ZNF385D: variants seen among roughly 807,000 people sequenced by gnomAD.
ZNF385D encodes the protein zinc finger protein 659.
In ZNF385D, 15 loss-of-function variants were observed where a neutral mutation model predicts 35.8. The ratio of observed to expected loss-of-function variants is 0.42; its 90% CI spans 0.28 to 0.64. The LOEUF (loss-of-function observed/expected upper bound fraction) is 0.64, where lower values mean the gene tolerates loss of function less well. ZNF385D is among the 30% of genes least tolerant of loss of function. ZNF385D has a pLI of 0.23. For synonymous variants in ZNF385D, 212 were observed against 186.8 expected, an observed-to-expected ratio of 1.13 and a Z score of -1.10; for missense variants, 474 against 494.6, an observed-to-expected ratio of 0.96 and a Z score of 0.39.
chr3:21,602,517 C>CTTTTTTTTTTTTTTTTTTTTT lies in ZNF385D; in HGVS notation c.166-37854_166-37834dup, dbSNP rs746138066. On this transcript the variant is annotated intron_variant, in intron 2 of 7. Transcript: ENST00000281523. ...TAGGTCTCCTGTTTCCCTGCATTTT[C>CTTTTTTTTTTTTTTTTTTTTT]TTTTTTTTTTTTTTTTTTTTTTTTT... 2.7e-3 allele frequency among the ~76,000 whole-genome samples: 168 copies of CTTTTTTTTTTTTTTTTTTTTT among 62,640 alleles called. 19 individuals carry two copies. The highest frequency in any genetic ancestry group is 3.3e-3 in the Non-Finnish European group (112 of 34,054). The allele number at this position is 62,640 out of a possible 152,430, so 41.1% of individuals were successfully genotyped here. A position where few individuals can be genotyped will look rare whatever the true frequency, so the allele number is the denominator to read the frequency against.
intron 2 of ZNF385D, among the ~76,000 whole-genome samples, chr3:22,239,162 C>CT (rs1202274053): frequency 6.6e-6 from 1 of 151,034 alleles, no homozygotes; most frequent in African/African-American, 2.4e-5. Flanking sequence ...CTAAGTTCTG[C>CT]TTTTTTCTAG....
chr3:21,921,867 C>T (rs946410675), intron 3 of ZNF385D, among the ~76,000 whole-genome samples: 3 of 148,790 alleles, frequency 2.0e-5, no homozygotes, highest in Non-Finnish European at 4.5e-5. Flanking sequence ...CCCTACCAAC[C>T]AAAAGATGCC....
intron 3 of ZNF385D, among the ~76,000 whole-genome samples, chr3:21,820,467 G>T (rs75595021): frequency 3.7e-4 from 56 of 151,750 alleles, no homozygotes; most frequent in African/African-American, 1.3e-3. Flanking sequence ...AATCAGATCC[G>T]AGAGGAAAAT....
chr3:21,425,735 TGGGATGGGAG>T, intron 5 of ZNF385D, 65 bp from the exon 6 acceptor site: 2 of 1,438,454 alleles, frequency 1.4e-6, no homozygotes, highest in Non-Finnish European at 1.8e-6. Context: ...GAGAAGGAGG[TGGGATGGGAG>T]GAAAAAAATC....
At position 21,915,904 on chromosome 3, in the gene ZNF385D, A is replaced by C. The variant is rs571880746; in HGVS notation, c.326-250876T>G. Among the ~76,000 whole-genome samples the C allele has an allele frequency of 3.1e-3, 475 of 152,308 alleles. 2 individuals carry two copies. The highest frequency in any genetic ancestry group is 5.7e-3 in the Non-Finnish European group (387 of 68,008). ...AACTCAGAATGAGGTTTTCTAGCTG[A>C]GACTACCATGGCTATGGCTCTTATT... On this transcript the variant is annotated intron_variant, in intron 3 of 5. Transcript: ENST00000494108.
chr3:21,611,149 T>G (rs1031566999), intron 2 of ZNF385D, among the ~76,000 whole-genome samples: 6 of 152,250 alleles, frequency 3.9e-5, no homozygotes, highest in African/African-American at 1.4e-4. Context: ...CCTGTTGCCT[T>G]TGCAGTACTA....
chr3:21,613,615 A>G (rs1559460196), intron 2 of ZNF385D, among the ~76,000 whole-genome samples: 2 of 152,206 alleles, frequency 1.3e-5, no homozygotes, highest in Non-Finnish European at 2.9e-5. Flanking sequence ...TATTGTAATT[A>G]CATAAACCTC....
intron 2 of ZNF385D, among the ~76,000 whole-genome samples, chr3:22,205,257 T>C (rs1024482337): frequency 6.6e-6 from 1 of 152,018 alleles, no homozygotes; most frequent in Admixed American, 6.6e-5. Context: ...CCTAGAATAG[T>C]ATATTTAGTG....
chr3:21,704,836 T>A (rs1347902440), intron 1 of ZNF385D, among the ~76,000 whole-genome samples: 1 of 152,188 alleles, frequency 6.6e-6, no homozygotes, highest in Non-Finnish European at 1.5e-5. Context: ...CTATATAATC[T>A]CACATTTCTC....
intron 3 of ZNF385D, among the ~76,000 whole-genome samples, chr3:21,956,201 C>CA (rs994497278): frequency 5.4e-5 from 8 of 147,032 alleles, no homozygotes; most frequent in East Asian, 2.0e-4. Context: ...AACAAACAAA[C>CA]AAAAAAAAGT....
At chr3:22,272,291 A>T (rs1373680111) in intron 2 of ZNF385D, among the ~76,000 whole-genome samples, 10 of 152,030 alleles carry the variant, frequency 6.6e-5, no homozygotes, top group Admixed American at 6.6e-4. Flanking sequence ...AGCAGGATGC[A>T]TCATAATCTA....
At chr3:21,733,953 T>C (rs1278295396) in intron 1 of ZNF385D, among the ~76,000 whole-genome samples, 1 of 152,190 alleles carries the variant, frequency 6.6e-6, no homozygotes, top group Admixed American at 6.5e-5. Flanking sequence ...ATTTGTCTAT[T>C]ATTCAAGACC....
At chr3:22,188,420 C>A (rs1353877324) in intron 2 of ZNF385D, among the ~76,000 whole-genome samples, 1 of 151,752 alleles carries the variant, frequency 6.6e-6, no homozygotes, top group Non-Finnish European at 1.5e-5. Flanking sequence ...AGTTATTGTG[C>A]GAATGTGTTT....
chr3:21,669,787 C>G (rs188485320), intron 1 of ZNF385D, among the ~76,000 whole-genome samples: 137 of 152,274 alleles, frequency 9.0e-4, no homozygotes, highest in African/African-American at 3.2e-3. Flanking sequence ...AGCAGTCAAT[C>G]AAGATAATTT....
intron 2 of ZNF385D, among the ~76,000 whole-genome samples, chr3:22,319,183 T>C (rs1351622013): frequency 2.0e-5 from 3 of 152,074 alleles, no homozygotes; most frequent in Non-Finnish European, 4.4e-5. Flanking sequence ...AAAATGCCAA[T>C]ACTACTTTTC....
At position 21,837,521 on chromosome 3, in the gene ZNF385D, G is replaced by A. The variant is rs552272978; in HGVS notation, c.326-172493C>T. ...TACAGGTGCATGGCTTTGGAATTTA[G>A]ATGACATGTTTTCTGCAACTTATTG... On this transcript the variant is annotated intron_variant, in intron 3 of 5. Coordinates refer to the ZNF385D transcript ENST00000494108. Among the ~76,000 whole-genome samples, 5 of 152,106 alleles carry A rather than the reference G, an allele frequency of 3.3e-5. No individual in the cohort carries two copies. The South Asian group carries it at 8.3e-4, about 25-fold the overall frequency.
intron 3 of ZNF385D, among the ~76,000 whole-genome samples, chr3:22,027,020 G>C (rs991863027): frequency 1.3e-5 from 2 of 152,220 alleles, no homozygotes; most frequent in Non-Finnish European, 2.9e-5. Flanking sequence ...TGCAGCCATT[G>C]ACTTGGCAAA....
chr3:22,112,460 C>G (rs765963892), intron 3 of ZNF385D, among the ~76,000 whole-genome samples: 11 of 152,024 alleles, frequency 7.2e-5, no homozygotes, highest in Non-Finnish European at 1.2e-4. Context: ...GACAGCATTA[C>G]CAAATCGTAC....
intron 3 of ZNF385D, among the ~76,000 whole-genome samples, chr3:21,998,691 C>T (rs112681316): frequency 1.8e-4 from 28 of 152,162 alleles, no homozygotes; most frequent in African/African-American, 6.8e-4. Flanking sequence ...AGAACATCAC[C>T]TTTTAAAAAT....
Sources: gnomAD v4.1 joint callset for allele counts (sites outside exome capture counted in the v4.1 genomes callset) on GRCh38, gnomAD v4.1.1 for gene constraint, MANE v1.5 for transcripts, NCBI Gene and HGNC (gene_info 2026-07-23, HGNC 2026-07-21) for gene names.